PDE1C: variants seen among roughly 807,000 people sequenced by gnomAD.
PDE1C encodes phosphodiesterase 1C, also known as dual specificity calcium/calmodulin-dependent 3',5'-cyclic nucleotide phosphodiesterase 1C.
Under a neutral mutation model 93.1 loss-of-function variants are expected in PDE1C, and 62 were observed. The observed-to-expected ratio is 0.67, with a 90% CI of 0.54 to 0.82. The LOEUF is 0.82. Ranked by LOEUF, PDE1C falls within the 40% of genes least tolerant of loss-of-function variation. The pLI, the probability that PDE1C is intolerant of heterozygous loss-of-function variation, is 0.00. For missense variants in PDE1C, 742 were observed against 884.6 expected (o/e 0.84, Z 2.04); for synonymous variants, 325 against 310.1 (o/e 1.05, Z -0.50).
intron 3 of PDE1C, among the ~76,000 whole-genome samples, chr7:32,157,626 A>T (rs936859855): frequency 2.0e-5 from 3 of 152,222 alleles, no homozygotes; most frequent in Non-Finnish European, 2.9e-5. Flanking sequence ...ATAATAGTGT[A>T]ATATCAAGAT....
intron 3 of PDE1C, among the ~76,000 whole-genome samples, chr7:32,086,174 A>G (rs1797059623): frequency 7.4e-6 from 1 of 135,816 alleles, no homozygotes; most frequent in South Asian, 2.7e-4. Context: ...TATAAAATCA[A>G]TGTACAAAAA....
chr7:32,186,020 T>G (rs544265631), intron 2 of PDE1C, among the ~76,000 whole-genome samples: 1 of 152,342 alleles, frequency 6.6e-6, no homozygotes, highest in South Asian at 2.1e-4. Context: ...TGCTTTTAGA[T>G]TTGATATTTT....
chr7:32,311,986 G>A (rs374763550), intron 1 of PDE1C, among the ~76,000 whole-genome samples: 14,987 of 150,232 alleles, frequency 0.1, 759 homozygotes, highest in African/African-American at 0.12. Context: ...CAGATGACAT[G>A]ATTGTATATC....
At chr7:31,996,265 C>T (rs1045576695) in intron 2 of PDE1C, among the ~76,000 whole-genome samples, 4 of 152,030 alleles carry the variant, frequency 2.6e-5, no homozygotes, top group Admixed American at 6.6e-5. Context: ...TTTCCCACCC[C>T]GCCCATACCC....
At chr7:31,722,688 T>G in the PDE1C span, among the ~76,000 whole-genome samples, 1 of 152,112 alleles carries the variant, frequency 6.6e-6, no homozygotes, top group Non-Finnish European at 1.5e-5. Context: ...GAGAGCTGTT[T>G]CAGGTGGTGG....
chr7:32,366,092 C>T (rs1784224551), intron 1 of PDE1C, among the ~76,000 whole-genome samples: 1 of 152,154 alleles, frequency 6.6e-6, no homozygotes, highest in East Asian at 1.9e-4. Flanking sequence ...CATAAGGAAA[C>T]ATACAAAATG....
chr7:32,362,723 A>T (rs1444261758), intron 1 of PDE1C, among the ~76,000 whole-genome samples: 1 of 152,274 alleles, frequency 6.6e-6, no homozygotes, highest in East Asian at 1.9e-4. Flanking sequence ...CAAGGAGCAG[A>T]TGTCACGGTG....
At chr7:32,341,362 A>G (rs1412227783) in intron 1 of PDE1C, among the ~76,000 whole-genome samples, 4 of 149,010 alleles carry the variant, frequency 2.7e-5, no homozygotes, top group Non-Finnish European at 5.9e-5. Context: ...TTTTTAGTAG[A>G]GACGGGGTTT....
intron 3 of PDE1C, among the ~76,000 whole-genome samples, chr7:32,140,749 T>C (rs1800475249): frequency 6.6e-6 from 1 of 152,210 alleles, no homozygotes; most frequent in Non-Finnish European, 1.5e-5. Flanking sequence ...GCAGGGTGCC[T>C]CAGCACTTTG....
chr7:32,409,507 T>C (rs1785122844), intron 1 of PDE1C, among the ~76,000 whole-genome samples: 1 of 152,056 alleles, frequency 6.6e-6, no homozygotes, highest in South Asian at 2.1e-4. Context: ...AAAAAGCCAG[T>C]ATAAAATATT....
At chr7:31,710,292 A>G in the PDE1C span, among the ~76,000 whole-genome samples, 16 of 152,328 alleles carry the variant, frequency 1.1e-4, no homozygotes, top group African/African-American at 3.8e-4. Context: ...TCTACCAGGA[A>G]CCCAGGCTAC....
chr7:31,808,760 T>C (rs1265883305), intron 16 of PDE1C, among the ~76,000 whole-genome samples: 1 of 152,016 alleles, frequency 6.6e-6, no homozygotes, highest in Non-Finnish European at 1.5e-5. Context: ...ATAAACTTTT[T>C]ATGATGTTTA....
intron 3 of PDE1C, among the ~76,000 whole-genome samples, chr7:32,107,549 G>C (rs900725155): frequency 1.3e-5 from 2 of 152,072 alleles, no homozygotes; most frequent in Admixed American, 1.3e-4. Flanking sequence ...GAATTCTGTA[G>C]CCAGCAAAAT....
At chr7:32,120,289 C>T (rs772728112) in intron 3 of PDE1C, among the ~76,000 whole-genome samples, 11 of 152,194 alleles carry the variant, frequency 7.2e-5, no homozygotes, top group Non-Finnish European at 1.2e-4. Context: ...CTCTGCAGAC[C>T]GTCATACTTA....
intron 1 of PDE1C, among the ~76,000 whole-genome samples, chr7:32,372,687 G>A (rs975819270): frequency 3.9e-5 from 6 of 152,080 alleles, no homozygotes; most frequent in Non-Finnish European, 7.4e-5. Context: ...GAAAATGAAT[G>A]GGAGAAACTA....
chr7:32,102,551 C>T (rs1390392118), intron 3 of PDE1C, among the ~76,000 whole-genome samples: 1 of 152,224 alleles, frequency 6.6e-6, no homozygotes, highest in Non-Finnish European at 1.5e-5. Flanking sequence ...TGATGCCTCC[C>T]TCATTAAATG....
At chr7:31,813,399 G>T (rs950546248) in intron 15 of PDE1C, among the ~76,000 whole-genome samples, 1 of 152,114 alleles carries the variant, frequency 6.6e-6, no homozygotes, top group African/African-American at 2.4e-5. Flanking sequence ...TACAGTGTCT[G>T]GTTGTGTAAA....
chr7:32,305,131 T>C (rs1323435612), intron 1 of PDE1C, among the ~76,000 whole-genome samples: 1 of 152,210 alleles, frequency 6.6e-6, no homozygotes, highest in East Asian at 1.9e-4. Context: ...GCACAGCGCC[T>C]GCTCAATCAC....
At chr7:32,002,765 G>C (rs183435603) in intron 2 of PDE1C, among the ~76,000 whole-genome samples, 1 of 152,182 alleles carries the variant, frequency 6.6e-6, no homozygotes. Context: ...GTACAGATCT[G>C]TCCCTCTTCC....
Sources: allele counts gnomAD v4.1 joint callset (sites outside exome capture counted in the v4.1 genomes callset), GRCh38; gene constraint gnomAD v4.1.1; transcripts MANE v1.5; gene names NCBI Gene and HGNC (gene_info 2026-07-23, HGNC 2026-07-21).